GPD2: variants seen among roughly 807,000 people sequenced by gnomAD.
The protein encoded by GPD2 is glycerol-3-phosphate dehydrogenase, mitochondrial.
Under a neutral mutation model 82.4 loss-of-function variants are expected in GPD2, and 54 were observed. That is an observed-to-expected ratio of 0.66 (90% CI 0.53 to 0.82). The LOEUF is 0.82. GPD2 is among the 40% of genes least tolerant of loss of function. The pLI, the probability that GPD2 is intolerant of heterozygous loss-of-function variation, is 0.00. For missense variants in GPD2, 748 were observed against 896.2 expected, an observed-to-expected ratio of 0.83 and a Z score of 2.11; for synonymous variants, 288 against 306.1, an observed-to-expected ratio of 0.94 and a Z score of 0.62.
At chr2:156,496,386 C>T (rs1205182240) in intron 3 of GPD2, among the ~76,000 whole-genome samples, 171 bp downstream of exon 3, 2 of 152,110 alleles carry the variant, frequency 1.3e-5, no homozygotes, top group African/African-American at 4.8e-5. Flanking sequence ...CTCTCCCTCC[C>T]CCTGCCCCAC....
rs760882291 is a variant in GPD2 at position 156,451,436 on chromosome 2, C to T, written c.-9+14923C>T. Among the ~76,000 whole-genome samples the T allele has an allele frequency of 2.2e-3, 281 of 129,914 alleles. 2 individuals carry two copies. The highest frequency in any genetic ancestry group is 3.6e-3 in the Non-Finnish European group (215 of 59,180). The allele number at this position is 129,914 out of a possible 152,430, so 85.2% of individuals were successfully genotyped here. ...GGCGGGGGGCTGACCCCCCCACCTC[C>T]CTCCCGGACGGGGCGGCTGGCCGGG... On this transcript the variant is annotated intron_variant, in intron 1 of 16. Transcript: ENST00000438166.
At chr2:156,562,582 A>C in intron 9 of GPD2, among the ~76,000 whole-genome samples, 1 of 75,176 alleles carries the variant, frequency 1.3e-5, no homozygotes. Context: ...CATGAAAAAA[A>C]AACCCCCAAA....
chr2:156,415,437 A>C, the GPD2 span, among the ~76,000 whole-genome samples: 149,841 of 152,096 alleles, frequency 0.99, 73,855 homozygotes, highest in Middle Eastern at 1. Flanking sequence ...GGATTACAGG[A>C]ATAAGACACC....
At chr2:156,580,238 T>C (rs1687981106) in intron 16 of GPD2, among the ~76,000 whole-genome samples, 1 of 152,192 alleles carries the variant, frequency 6.6e-6, no homozygotes, top group South Asian at 2.1e-4. Flanking sequence ...TCATATTCAT[T>C]TGAGAATTTA....
At chr2:156,506,654 A>C (rs927287875) in intron 3 of GPD2, among the ~76,000 whole-genome samples, 1 of 151,754 alleles carries the variant, frequency 6.6e-6, no homozygotes, top group Admixed American at 6.6e-5. Flanking sequence ...TCACCCTTCA[A>C]TACCATCTCT....
At chr2:156,527,159 G>A (rs1197787410) in intron 6 of GPD2, among the ~76,000 whole-genome samples, 1 of 151,878 alleles carries the variant, frequency 6.6e-6, no homozygotes, top group African/African-American at 2.4e-5. Context: ...CTGGTATTAA[G>A]CATCTAACCT....
intron 8 of GPD2, among the ~76,000 whole-genome samples, chr2:156,551,723 A>C (rs1364343487): frequency 6.6e-6 from 1 of 152,192 alleles, no homozygotes; most frequent in Admixed American, 6.5e-5. Flanking sequence ...TATAATTATA[A>C]ATACTTTTAA....
At chr2:156,534,410 C>T (rs896439855) in intron 6 of GPD2, among the ~76,000 whole-genome samples, 5 of 152,202 alleles carry the variant, frequency 3.3e-5, no homozygotes, top group Admixed American at 6.5e-5. Context: ...AATGCCTGTT[C>T]CCATTTAGGG....
At chr2:156,430,107 G>GA in the GPD2 span, among the ~76,000 whole-genome samples, 1 of 152,034 alleles carries the variant, frequency 6.6e-6, no homozygotes, top group Non-Finnish European at 1.5e-5. Context: ...AGAATATAAT[G>GA]AAAAAAATAT....
At chr2:156,570,993 T>C in intron 12 of GPD2, 141 bp from the exon 13 acceptor site, 2 of 689,192 alleles carry the variant, frequency 2.9e-6, no homozygotes, top group Non-Finnish European at 5.1e-6. Flanking sequence ...ACTATTTGTC[T>C]CATGCCTGCT....
At chr2:156,519,984 A>C (rs1685339699) in intron 6 of GPD2, among the ~76,000 whole-genome samples, 1 of 152,208 alleles carries the variant, frequency 6.6e-6, no homozygotes, top group African/African-American at 2.4e-5. Flanking sequence ...ATCTGGGAAG[A>C]ATCAGGTCAT....
intron 1 of GPD2, among the ~76,000 whole-genome samples, chr2:156,441,070 C>T (rs1682157933): frequency 6.6e-6 from 1 of 152,184 alleles, no homozygotes; most frequent in South Asian, 2.1e-4. Context: ...TTTAATCAAT[C>T]ATGCCCACAT....
At position 156,499,953 on chromosome 2, in the gene GPD2, T is replaced by C. The variant is rs181500025; in HGVS notation, c.274+3738T>C. ...TACTATTTATTGAACAAATAAACTT[T>C]TTCTTCTGGCAGTGAAGGGCATTCT... On this transcript the variant is annotated intron_variant, in intron 3 of 16. Transcript: ENST00000438166. Among the ~76,000 whole-genome samples, 317 of 152,174 alleles carry C rather than the reference T, an allele frequency of 2.1e-3. 3 individuals carry two copies. Among genetic ancestry groups the C allele is most frequent in the Non-Finnish European group, 2.1e-3 (146 of 67,964 alleles).
chr2:156,515,049 A>C (rs185914201), intron 6 of GPD2, among the ~76,000 whole-genome samples: 2 of 152,136 alleles, frequency 1.3e-5, no homozygotes, highest in African/African-American at 2.4e-5. Flanking sequence ...CTCATTTTCT[A>C]TACTTTGTGA....
intron 1 of GPD2, among the ~76,000 whole-genome samples, chr2:156,455,546 A>G (rs986028947): frequency 6.6e-6 from 1 of 152,106 alleles, no homozygotes; most frequent in Non-Finnish European, 1.5e-5. Context: ...ATTCCACCCT[A>G]TGCCCTAGTC....
intron 2 of GPD2, among the ~76,000 whole-genome samples, chr2:156,477,550 C>A (rs1683556915): frequency 6.6e-6 from 1 of 152,150 alleles, no homozygotes; most frequent in South Asian, 2.1e-4. Context: ...ATGGGTGATA[C>A]CGAAAGTCTT....
At chr2:156,404,465 G>T in the GPD2 span, among the ~76,000 whole-genome samples, 1 of 152,024 alleles carries the variant, frequency 6.6e-6, no homozygotes, top group South Asian at 2.1e-4. Flanking sequence ...AACACAAATT[G>T]AGAAACAGTT....
intron 1 of GPD2, among the ~76,000 whole-genome samples, chr2:156,458,789 A>T (rs1010506738): frequency 6.6e-6 from 1 of 152,050 alleles, no homozygotes; most frequent in Non-Finnish European, 1.5e-5. Context: ...TCTTTCTCTT[A>T]TATGCATGCA....
intron 2 of GPD2, among the ~76,000 whole-genome samples, chr2:156,492,444 C>CTT (rs79707384): frequency 7.6e-5 from 10 of 131,874 alleles, no homozygotes; most frequent in African/African-American, 1.7e-4. Flanking sequence ...TGCACCTGGC[C>CTT]TTTTTTTTTT....
Sources: allele counts gnomAD v4.1 joint callset (sites outside exome capture counted in the v4.1 genomes callset), GRCh38; gene constraint gnomAD v4.1.1; transcripts MANE v1.5; gene names NCBI Gene and HGNC (gene_info 2026-07-23, HGNC 2026-07-21).